Variants in ANK3 observed in about 807,000 individuals in gnomAD.
ANK3 encodes ankyrin-3.
A neutral mutation model predicts 370.9 loss-of-function variants in ANK3; 57 were observed. That is an observed-to-expected ratio of 0.15 (90% CI 0.12 to 0.19). The LOEUF (loss-of-function observed/expected upper bound fraction) is 0.19. ANK3 is among the 10% of genes least tolerant of loss of function. The pLI, the probability that ANK3 is intolerant of heterozygous loss-of-function variation, is 1.00. For synonymous variants in ANK3, 1,929 were observed against 1,946.3 expected (o/e 0.99, Z 0.23); for missense variants, 4,439 against 5,302.1 (o/e 0.84, Z 5.06).
At chr10:60,076,479 CACAAAAATCA>C in intron 36 of ANK3, 31 bp from the exon 37 acceptor site, 2 of 1,529,310 alleles carry the variant, frequency 1.3e-6, no homozygotes, top group Non-Finnish European at 1.8e-6. Flanking sequence ...TGAAATCAAA[CACAAAAATCA>C]ACAAAAATGG....
intron 1 of ANK3, among the ~76,000 whole-genome samples, chr10:60,728,193 C>T (rs1369228806): frequency 2.0e-5 from 3 of 152,148 alleles, no homozygotes; most frequent in African/African-American, 7.2e-5. Flanking sequence ...ACCTCAAGGA[C>T]CCACAGAGGC....
At chr10:60,645,099 G>A (rs1410719685) in intron 1 of ANK3, among the ~76,000 whole-genome samples, 1 of 151,944 alleles carries the variant, frequency 6.6e-6, no homozygotes, top group Non-Finnish European at 1.5e-5. Flanking sequence ...TGTGGGTTAG[G>A]ATGTATATAA....
chr10:60,196,501 C>T (rs752057002), intron 15 of ANK3, 26 bp downstream of exon 15: 3 of 1,502,414 alleles, frequency 2.0e-6, no homozygotes, highest in Non-Finnish European at 1.8e-6. Context: ...AAGTGGCCTG[C>T]TTCAGGGTGG....
At position 60,342,761 on chromosome 10, in the gene ANK3, A is replaced by C. The variant is rs1005267142; in HGVS notation, c.114+46664T>G. On this transcript the variant is annotated intron_variant, in intron 1 of 43. Coordinates refer to ENST00000280772, the MANE Select transcript of ANK3 (RefSeq NM_020987.5). ...GGTCATCTGGATCTGGAATCGAGAG[A>C]TCCTATATGGCAGTGCTTTCCAAAA... Among the ~76,000 whole-genome samples, 7 of 152,248 alleles carry C rather than the reference A, an allele frequency of 4.6e-5. No homozygotes were observed. In the Middle Eastern group the frequency reaches 0.017, roughly 370 times the overall value.
intron 2 of ANK3, among the ~76,000 whole-genome samples, chr10:60,546,210 AT>A (rs965927338): frequency 6.6e-6 from 1 of 151,916 alleles, no homozygotes; most frequent in East Asian, 1.9e-4. Context: ...TAATTTTTTC[AT>A]TTTTTGTAGA....
chr10:60,224,436 A>C (rs1164669179), intron 8 of ANK3, among the ~76,000 whole-genome samples: 2 of 152,094 alleles, frequency 1.3e-5, no homozygotes, highest in Admixed American at 6.5e-5. Context: ...AAATCCTTGT[A>C]CATGCGAAGG....
intron 1 of ANK3, among the ~76,000 whole-genome samples, chr10:60,712,412 T>A (rs1353202508): frequency 6.6e-6 from 1 of 152,154 alleles, no homozygotes; most frequent in African/African-American, 2.4e-5. Flanking sequence ...ACTGGTGTGG[T>A]ATTATTATTA....
chr10:60,064,936 T>G (rs2081344891), intron 38 of ANK3, among the ~76,000 whole-genome samples: 2 of 152,226 alleles, frequency 1.3e-5, no homozygotes, highest in African/African-American at 4.8e-5. Context: ...AAATTCTCTA[T>G]AATTTGAGCA....
intron 18 of ANK3, among the ~76,000 whole-genome samples, 188 bp downstream of exon 18, chr10:60,181,141 A>G (rs2288358): frequency 0.27 from 40,909 of 152,110 alleles, 6,799 homozygotes; most frequent in East Asian, 0.45. Context: ...CCAGGCCGTT[A>G]AAGACAAAAG....
chr10:60,308,656 G>A (rs943851350), intron 1 of ANK3, among the ~76,000 whole-genome samples: 3 of 152,110 alleles, frequency 2.0e-5, no homozygotes, highest in African/African-American at 4.8e-5. Flanking sequence ...AGGGAAAGTG[G>A]TTAGGGAAGC....
At chr10:60,315,907 G>T (rs1355390422) in intron 1 of ANK3, among the ~76,000 whole-genome samples, 1 of 152,156 alleles carries the variant, frequency 6.6e-6, no homozygotes, top group African/African-American at 2.4e-5. Flanking sequence ...TGATAATTCA[G>T]TGTATTCTGA....
intron 1 of ANK3, among the ~76,000 whole-genome samples, chr10:60,285,729 T>C (rs1208823637): frequency 6.6e-6 from 1 of 152,134 alleles, no homozygotes; most frequent in Non-Finnish European, 1.5e-5. Flanking sequence ...CCCCAAGACA[T>C]TTCCATGTCC....
chr10:60,071,632 T>C lies in ANK3; in HGVS notation c.9249A>G (p.Thr3083=), dbSNP rs375665233. 78 of 1,612,950 alleles carry C rather than the reference T, an allele frequency of 4.8e-5. No homozygotes were observed. The African/African-American group carries it at 7.5e-4, about 15-fold the overall frequency. ...AAGTTTTTATCTCTTTCCCTCCCTC[T>C]GTCTGGGCTAGTGGTGCGAGTTTTT... ...GLEKLAPLAQ[T]EGGKEIKTLP... Residue 3083 remains threonine, a synonymous_variant, in exon 37 of 44, where the codon ACA becomes ACG. Transcript: ENST00000280772.
intron 9 of ANK3, among the ~76,000 whole-genome samples, chr10:60,210,102 A>C (rs2096829228): frequency 6.6e-6 from 1 of 152,202 alleles, no homozygotes; most frequent in African/African-American, 2.4e-5. Context: ...CATTCACTTA[A>C]TAGTCATTCA....
Position 60,070,171 on chromosome 10 carries a change from C to CTAA in ANK3, c.10709_10710insTTA (p.Ala3570_Val3571insTer). ...TTGTTGCTGGAGAGCGGTCTTCTAC[C>CTAA]GCCAGCCCAAATGGCTTAGTTTCAT... On this transcript the variant is annotated stop_gained and inframe_insertion, in exon 37 of 44. Coordinates refer to ENST00000280772, the MANE Select transcript of ANK3 (RefSeq NM_020987.5). LOFTEE classifies it high-confidence loss of function. This position sits in a 1 kb window ranked among gnomAD's most constrained non-coding sequence, Gnocchi z 5.7. The CTAA allele has an allele frequency of 6.2e-7, 1 of 1,614,096 alleles. No individual in the cohort carries two copies. Among genetic ancestry groups the CTAA allele is most frequent in the Non-Finnish European group, 8.5e-7 (1 of 1,180,006 alleles).
chr10:60,122,911 T>C (rs2093576303), intron 25 of ANK3, among the ~76,000 whole-genome samples: 1 of 152,230 alleles, frequency 6.6e-6, no homozygotes, highest in African/African-American at 2.4e-5. Flanking sequence ...TATCAATGCC[T>C]AGGTCTTATT....
At chr10:60,707,778 TC>T (rs1263816312) in intron 1 of ANK3, among the ~76,000 whole-genome samples, 1 of 152,124 alleles carries the variant, frequency 6.6e-6, no homozygotes, top group Non-Finnish European at 1.5e-5. Context: ...AAAACTTCAT[TC>T]CAGAAGTTTT....
chr10:60,578,588 T>A (rs2077710106), intron 2 of ANK3, among the ~76,000 whole-genome samples: 1 of 152,214 alleles, frequency 6.6e-6, no homozygotes. Context: ...GACTAAGAAC[T>A]AAGGCTGCTT....
At chr10:60,467,179 AT>A (rs1232172876) in intron 2 of ANK3, among the ~76,000 whole-genome samples, 3 of 152,234 alleles carry the variant, frequency 2.0e-5, no homozygotes, top group Non-Finnish European at 4.4e-5. Flanking sequence ...CTGACTCAAA[AT>A]GCAATTACTT....
Sources: gnomAD v4.1 joint callset for allele counts (sites outside exome capture counted in the v4.1 genomes callset) on GRCh38, gnomAD v4.1.1 for gene constraint, Gnocchi (gnomAD v3.1) non-coding constraint, MANE v1.5 for transcripts, NCBI Gene and HGNC (gene_info 2026-07-23, HGNC 2026-07-21) for gene names.